The following SUGT1 variants were observed in gnomAD, a reference collection of about 807,000 sequenced individuals.
The protein encoded by SUGT1 is SGT1 assembly cochaperone of MIS12 kinetochore complex.
SUGT1 carries 15 observed loss-of-function variants against 56.1 expected under a neutral mutation model. That is an observed-to-expected ratio of 0.27 (90% CI 0.18 to 0.41). SUGT1 has a LOEUF of 0.41. Ranked by LOEUF, SUGT1 falls within the 10% of genes least tolerant of loss-of-function variation. The pLI is 1.00. For missense variants in SUGT1, 347 were observed against 382.2 expected, an observed-to-expected ratio of 0.91 and a Z score of 0.77; for synonymous variants, 123 against 128.6, an observed-to-expected ratio of 0.96 and a Z score of 0.30.
chr13:52,657,394 A>G, intron 2 of SUGT1, 138 bp from the exon 3 acceptor site: 1 of 763,056 alleles, frequency 1.3e-6, no homozygotes, highest in Non-Finnish European at 2.1e-6. Flanking sequence ...ATAAGGAAAA[A>G]CTCCAATATT....
At chr13:52,687,594 A>G (rs1963646417) in intron 12 of SUGT1, 140 bp from the exon 13 acceptor site, 1 of 444,780 alleles carries the variant, frequency 2.2e-6, no homozygotes, top group Non-Finnish European at 3.9e-6. Context: ...ATAATCTATT[A>G]TATATGTATT....
At position 52,664,018 on chromosome 13, in the gene SUGT1, A is replaced by C; in HGVS notation, c.400-17A>C. ...AATCTTTCTCTTTCAACTTACCAAAATCAATCTGCATCCCAGTGGACTCAT... is the reference window on the plus strand; with the variant it reads ...AATCTTTCTCTTTCAACTTACCAAACTCAATCTGCATCCCAGTGGACTCAT... On this transcript the variant is annotated splice_polypyrimidine_tract_variant and intron_variant, in intron 7 of 12. Coordinates refer to ENST00000310528, the MANE Select transcript of SUGT1 (RefSeq NM_006704.5). 1 of 1,612,636 alleles carries C rather than the reference A, an allele frequency of 6.2e-7. No homozygotes were observed. Among genetic ancestry groups the C allele is most frequent in the East Asian group, 2.2e-5 (1 of 44,714 alleles).
At chr13:52,679,665 G>C (rs1432241964) in intron 11 of SUGT1, among the ~76,000 whole-genome samples, 1 of 152,034 alleles carries the variant, frequency 6.6e-6, no homozygotes, top group Admixed American at 6.6e-5. Flanking sequence ...TTTTCATCTA[G>C]TTTCTGTTAT....
chr13:52,659,919 C>T (rs570478059), intron 5 of SUGT1, among the ~76,000 whole-genome samples: 1 of 145,526 alleles, frequency 6.9e-6, no homozygotes, highest in Non-Finnish European at 1.5e-5. Context: ...AGCTCTGCCT[C>T]CCGGGTTCAC....
chr13:52,667,667 T>A (rs543998109), intron 10 of SUGT1, among the ~76,000 whole-genome samples: 1 of 152,292 alleles, frequency 6.6e-6, no homozygotes, highest in African/African-American at 2.4e-5. Flanking sequence ...CCTTTATAGT[T>A]TCTAAAAGAA....
intron 2 of SUGT1, among the ~76,000 whole-genome samples, chr13:52,655,881 C>T (rs1430367473): frequency 6.6e-6 from 1 of 152,154 alleles, no homozygotes; most frequent in Non-Finnish European, 1.5e-5. Context: ...GAGTCATCAG[C>T]ATGCATCAAC....
At position 52,691,135 on chromosome 13, in the gene SUGT1, A is replaced by G. The variant is rs1262197147; in HGVS notation, c.*3300A>G. ...GTAGCTGGGACCACAGGCATGCATC[A>G]CCACGACTGGCTAATTTTTGTATTT... On this transcript the variant is annotated 3_prime_UTR_variant, in exon 13 of 13. Transcript: ENST00000310528. The G allele has an allele frequency of 6.6e-6, 1 of 152,010 alleles. No homozygotes were observed. Among genetic ancestry groups the G allele is most frequent in the African/African-American group, 2.4e-5 (1 of 41,354 alleles). The allele number at this position is 152,010 out of a possible 1,614,324, so 9.4% of individuals were successfully genotyped here. A position where few individuals can be genotyped will look rare whatever the true frequency, so the allele number is the denominator to read the frequency against.
At chr13:52,685,755 T>A (rs1230222030) in intron 12 of SUGT1, among the ~76,000 whole-genome samples, 1 of 152,136 alleles carries the variant, frequency 6.6e-6, no homozygotes, top group East Asian at 1.9e-4. Flanking sequence ...TTCTCTATAA[T>A]CTCCTTATCT....
At chr13:52,655,760 T>C (rs1344882693) in intron 2 of SUGT1, among the ~76,000 whole-genome samples, 1 of 152,200 alleles carries the variant, frequency 6.6e-6, no homozygotes, top group Non-Finnish European at 1.5e-5. Context: ...AAAGTAGTTT[T>C]AGATTGTGAA....
rs1370081 is a variant in SUGT1, at chr13:52,697,236, T to C, written c.*9401T>C. 0.99 allele frequency: 151,563 copies of C among 152,704 alleles called. 75,216 individuals are homozygous for C. Among genetic ancestry groups the C allele is most frequent in the East Asian group, 1 (5,166 of 5,166 alleles). 9.5% of individuals were successfully genotyped at this position (152,704 alleles called of 1,614,324 possible). ...CAGGTTGGTCTCTCAAACTCCTGGG[T>C]TCAAGCAGTCCTCCCACCTTGGCCT... On this transcript the variant is annotated 3_prime_UTR_variant, in exon 13 of 13. Coordinates refer to ENST00000310528, the MANE Select transcript of SUGT1 (RefSeq NM_006704.5).
intron 3 of SUGT1, among the ~76,000 whole-genome samples, chr13:52,657,882 A>G (rs984791646): frequency 3.9e-5 from 6 of 152,224 alleles, no homozygotes; most frequent in Admixed American, 2.6e-4. Context: ...CACATTTACT[A>G]TTTGACAGAC....
At chr13:52,678,802 C>T (rs553013539) in intron 11 of SUGT1, among the ~76,000 whole-genome samples, 5 of 151,668 alleles carry the variant, frequency 3.3e-5, no homozygotes, top group East Asian at 1.9e-4. Context: ...CCCAACCTTC[C>T]GAGTAGCTGG....
chr13:52,675,029 A>G (rs147067836), intron 10 of SUGT1, among the ~76,000 whole-genome samples: 70 of 152,270 alleles, frequency 4.6e-4, no homozygotes, highest in African/African-American at 1.6e-3. Flanking sequence ...TAGTCTTCTC[A>G]GTACTCCCCG....
At chr13:52,682,733 T>G (rs1450277570) in intron 12 of SUGT1, among the ~76,000 whole-genome samples, 3 of 152,224 alleles carry the variant, frequency 2.0e-5, no homozygotes, top group Non-Finnish European at 4.4e-5. Context: ...ATATGTATGT[T>G]CCTCTGTCAG....
At position 52,655,179 on chromosome 13, in the gene SUGT1, A is replaced by G. The variant is rs181580165; in HGVS notation, c.96+2076A>G. On this transcript the variant is annotated intron_variant, in intron 2 of 12. Coordinates refer to ENST00000310528, the MANE Select transcript of SUGT1 (RefSeq NM_006704.5). The stretch of plus-strand genomic sequence containing the variant: ...GCCAACATGGTGAAACCCCGTCTCT[A>G]TTAAAAATACAAAAAATTAGCCGGG... Among the ~76,000 whole-genome samples the G allele has an allele frequency of 5.9e-3, 906 of 152,322 alleles. 9 individuals are homozygous for G. Among genetic ancestry groups the G allele is most frequent in the African/African-American group, 0.019 (772 of 41,580 alleles).
At position 52,693,677 on chromosome 13, in the gene SUGT1, T is replaced by C. The variant is rs995392587; in HGVS notation, c.*5842T>C. On this transcript the variant is annotated 3_prime_UTR_variant, in exon 13 of 13. Coordinates refer to ENST00000310528, the MANE Select transcript of SUGT1 (RefSeq NM_006704.5). Reference sequence around the variant, plus strand: ...GAATGAATTCATGTAACTCCACAGGTATCTTAATCCAGAAGGCTCAAAATA... The same window carrying C: ...GAATGAATTCATGTAACTCCACAGGCATCTTAATCCAGAAGGCTCAAAATA... 6.6e-6 allele frequency: 1 copy of C among 152,178 alleles called. No individual in the cohort carries two copies. Among genetic ancestry groups the C allele is most frequent in the African/African-American group, 2.4e-5 (1 of 41,424 alleles). The allele number at this position is 152,178 out of a possible 1,614,324, so 9.4% of individuals were successfully genotyped here.
chr13:52,666,540 A>C (rs947132768), intron 9 of SUGT1, among the ~76,000 whole-genome samples: 2 of 152,184 alleles, frequency 1.3e-5, no homozygotes, highest in South Asian at 4.1e-4. Context: ...CTAAATATCA[A>C]ATAGGTGTGA....
chr13:52,679,651 A>G (rs1404821133), intron 11 of SUGT1, among the ~76,000 whole-genome samples: 2 of 152,190 alleles, frequency 1.3e-5, no homozygotes, highest in African/African-American at 2.4e-5. Context: ...AAAGTTCTGT[A>G]TACTTTTCAT....
At chr13:52,675,201 C>T (rs1963096235) in intron 10 of SUGT1, among the ~76,000 whole-genome samples, 3 of 152,136 alleles carry the variant, frequency 2.0e-5, no homozygotes, top group Non-Finnish European at 4.4e-5. Context: ...GCTTTTAGAA[C>T]ATTTACTTAT....
Sources: gnomAD v4.1 joint callset for allele counts (sites outside exome capture counted in the v4.1 genomes callset) on GRCh38, gnomAD v4.1.1 for gene constraint, MANE v1.5 for transcripts, NCBI Gene and HGNC (gene_info 2026-07-23, HGNC 2026-07-21) for gene names.